Variants in SCTR observed in about 807,000 individuals in gnomAD.
The protein encoded by SCTR is pancreatic secretin receptor.
A neutral mutation model predicts 60.8 loss-of-function variants in SCTR; 56 were observed. The ratio of observed to expected loss-of-function variants is 0.92; its 90% CI spans 0.74 to 1.15. SCTR has a LOEUF of 1.15. Among genes scored for constraint, SCTR ranks in the 50% most tolerant of loss-of-function variants. The pLI, the probability that SCTR is intolerant of heterozygous loss-of-function variation, is 0.00. For missense variants in SCTR, 562 were observed against 550.4 expected (o/e 1.02, Z -0.21); for synonymous variants, 202 against 217.0 (o/e 0.93, Z 0.61).
intron 10 of SCTR, 21 bp from the exon 11 acceptor site, chr2:119,446,906 T>C: frequency 6.8e-7 from 1 of 1,461,132 alleles, no homozygotes; most frequent in Non-Finnish European, 9.1e-7. Flanking sequence ...AGAAAGCCTG[T>C]AGCCTCCACT....
intron 1 of SCTR, among the ~76,000 whole-genome samples, chr2:119,499,334 C>G (rs1037197857): frequency 1.3e-5 from 2 of 151,962 alleles, no homozygotes; most frequent in Non-Finnish European, 2.9e-5. Context: ...AGAAAATCAG[C>G]AAGGATCTAG....
At position 119,464,219 on chromosome 2, in the gene SCTR, G is replaced by T. The variant is rs1683735589; in HGVS notation, c.540C>A (p.His180Gln). 1 of 1,614,196 alleles carries T rather than the reference G, an allele frequency of 6.2e-7. No homozygotes were observed. The highest frequency in any genetic ancestry group is 1.3e-5 in the African/African-American group (1 of 75,052). The change falls in exon 6 of 13, where the codon CAC becomes CAA. Residue 180 changes from histidine to glutamine, a missense_variant. His to Gln is a conservative substitution (Grantham distance 24). Coordinates refer to ENST00000019103, the MANE Select transcript of SCTR (RefSeq NM_002980.3). ...CACGAAGGATGAAGGACACGAACAG[G>T]TGCATGTGGATGTAGTTGCGAGTGC... The part of the protein sequence containing the change: ...LHCTRNYIHM[H>Q]LFVSFILRAL...
intron 1 of SCTR, among the ~76,000 whole-genome samples, chr2:119,522,449 A>G (rs913879167): frequency 2.6e-5 from 4 of 152,130 alleles, no homozygotes; most frequent in Admixed American, 2.6e-4. Context: ...CGGCTCTACT[A>G]CTAACTTGCT....
intron 2 of SCTR, among the ~76,000 whole-genome samples, chr2:119,480,255 G>A (rs905670646): frequency 6.6e-6 from 1 of 152,132 alleles, no homozygotes; most frequent in Non-Finnish European, 1.5e-5. Flanking sequence ...GAGGTTTAAC[G>A]GACTCACAGT....
intron 3 of SCTR, among the ~76,000 whole-genome samples, chr2:119,475,883 A>C (rs1415830793): frequency 6.6e-6 from 1 of 151,976 alleles, no homozygotes; most frequent in African/African-American, 2.4e-5. Flanking sequence ...AAAGAGGGCC[A>C]AGGGGATGCC....
At chr2:119,515,511 T>A (rs1679083943) in intron 1 of SCTR, among the ~76,000 whole-genome samples, 1 of 152,138 alleles carries the variant, frequency 6.6e-6, no homozygotes, top group Admixed American at 6.6e-5. Flanking sequence ...GCAGGCACCA[T>A]CCAATCGGCT....
At chr2:119,457,566 A>G (rs1165196510) in intron 7 of SCTR, among the ~76,000 whole-genome samples, 1 of 152,132 alleles carries the variant, frequency 6.6e-6, no homozygotes, top group Non-Finnish European at 1.5e-5. Context: ...GTAAAAAATC[A>G]GCCAGATGTG....
At chr2:119,506,119 C>T (rs1678732161) in intron 1 of SCTR, among the ~76,000 whole-genome samples, 1 of 152,158 alleles carries the variant, frequency 6.6e-6, no homozygotes, top group Non-Finnish European at 1.5e-5. Context: ...TGAAAACCAA[C>T]CAGGCAACTA....
At chr2:119,496,107 A>G (rs1678334776) in intron 1 of SCTR, among the ~76,000 whole-genome samples, 1 of 152,166 alleles carries the variant, frequency 6.6e-6, no homozygotes, top group Admixed American at 6.5e-5. Flanking sequence ...GCCGAAGCCC[A>G]TAGTCTCTGG....
Position 119,496,725 on chromosome 2 carries a change from C to A in SCTR, c.73-2177G>T, listed in dbSNP as rs367694881. ...AAAACAACCCCAGCAAATGCCTGAT[C>A]TTTAGCCAACGACCAGGAAAGGGGC... is the stretch of plus-strand genomic sequence containing the variant. On this transcript the variant is annotated intron_variant, in intron 1 of 12. Transcript: ENST00000019103. 5.9e-5 allele frequency among the ~76,000 whole-genome samples: 9 copies of A among 152,270 alleles called. 1 individual carries two copies. The highest frequency in any genetic ancestry group is 4.2e-4 in the South Asian group (2 of 4,814).
chr2:119,472,285 C>T (rs1427896504), intron 4 of SCTR, among the ~76,000 whole-genome samples: 1 of 152,194 alleles, frequency 6.6e-6, no homozygotes, highest in Admixed American at 6.5e-5. Context: ...AAAGGGCTGG[C>T]ATGGATGGGC....
At chr2:119,451,955 T>C (rs1683186986) in intron 9 of SCTR, 55 bp downstream of exon 9, 15 of 1,131,430 alleles carry the variant, frequency 1.3e-5, no homozygotes, top group Non-Finnish European at 1.9e-5. Flanking sequence ...TGTGGGCTGG[T>C]CACCATTTCC....
intron 6 of SCTR, among the ~76,000 whole-genome samples, chr2:119,463,700 C>T (rs1683706971): frequency 2.6e-5 from 4 of 152,190 alleles, no homozygotes; most frequent in South Asian, 2.1e-4. Flanking sequence ...GAAAACACAA[C>T]GTTTTATTGC....
intron 10 of SCTR, 70 bp downstream of exon 10, chr2:119,448,618 GT>G: frequency 1.1e-6 from 1 of 872,536 alleles, no homozygotes; most frequent in Admixed American, 1.8e-5. Context: ...GCTAGCACCA[GT>G]TAAGTAAACA....
intron 3 of SCTR, 39 bp from the exon 4 acceptor site, chr2:119,473,595 C>T (rs1677125580): frequency 8.2e-7 from 1 of 1,223,708 alleles, no homozygotes; most frequent in Non-Finnish European, 1.2e-6. Flanking sequence ...GCCATGGGCC[C>T]AGGCACTGTG....
chr2:119,475,701 A>C (rs1234114905), intron 3 of SCTR, among the ~76,000 whole-genome samples: 1 of 147,514 alleles, frequency 6.8e-6, no homozygotes, highest in Non-Finnish European at 1.5e-5. Context: ...TATAAAATAA[A>C]TATATATATT....
chr2:119,473,627 G>A, intron 3 of SCTR, 71 bp from the exon 4 acceptor site: 1 of 960,242 alleles, frequency 1.0e-6, no homozygotes, highest in Admixed American at 1.7e-5. Flanking sequence ...AACATCTATT[G>A]TAACATGTAG....
intron 3 of SCTR, 90 bp from the exon 4 acceptor site, chr2:119,473,646 A>T: frequency 1.2e-6 from 1 of 832,210 alleles, no homozygotes; most frequent in East Asian, 2.5e-5. Flanking sequence ...AGCTGCTACA[A>T]CCACTCTATA....
chr2:119,456,171 CT>C (rs1444632747), intron 7 of SCTR, among the ~76,000 whole-genome samples: 1 of 147,246 alleles, frequency 6.8e-6, no homozygotes, highest in Admixed American at 7.1e-5. Context: ...AGTGATTCTT[CT>C]GTCTCAGCCT....
Sources: gnomAD v4.1 joint callset for allele counts (sites outside exome capture counted in the v4.1 genomes callset) on GRCh38, gnomAD v4.1.1 for gene constraint, MANE v1.5 for transcripts, NCBI Gene and HGNC (gene_info 2026-07-23, HGNC 2026-07-21) for gene names.